The following GFRA3 variants were observed in gnomAD, a reference collection of about 807,000 sequenced individuals.
GFRA3 encodes the protein GDNF family receptor alpha-3.
GFRA3 carries 24 observed loss-of-function variants against 40.0 expected under a neutral mutation model. That is an observed-to-expected ratio of 0.60 (90% CI 0.43 to 0.84). The LOEUF (loss-of-function observed/expected upper bound fraction) is 0.84. GFRA3 is among the 40% of genes least tolerant of loss of function. The pLI, the probability that GFRA3 is intolerant of heterozygous loss-of-function variation, is 0.00. For synonymous variants in GFRA3, 203 were observed against 213.5 expected (o/e 0.95, Z 0.43); for missense variants, 405 against 530.6 (o/e 0.76, Z 2.33).
intron 1 of GFRA3, among the ~76,000 whole-genome samples, chr5:138,272,029 G>A (rs186968083): frequency 8.2e-5 from 10 of 121,506 alleles, no homozygotes; most frequent in Non-Finnish European, 1.2e-4. Flanking sequence ...TTTTTGAGAC[G>A]GAGTCTCGCT....
At chr5:138,267,108 T>G (rs188851836) in intron 1 of GFRA3, 1 of 194,884 alleles carries the variant, frequency 5.1e-6, no homozygotes. Flanking sequence ...AGGGTACTCC[T>G]GACGAAGGTG....
chr5:138,253,412 G>A (rs1349312128), intron 6 of GFRA3, 37 bp from the exon 7 acceptor site: 2 of 1,303,060 alleles, frequency 1.5e-6, no homozygotes, highest in East Asian at 2.4e-5. Context: ...GAAGGGTATG[G>A]GGGCAGGAGA....
rs1057340655 is a variant in GFRA3, at chr5:138,274,386, T to C, written c.39A>G (p.Val13=). ...RPLNPRPLPP[V]VLMLLLLLPP... Reference sequence around the variant, plus strand: ...GCAGCAGCAGCAGCAACATCAGGACTACGGGCGGCAGCGGTCGCGGGTTCA... The same window carrying C: ...GCAGCAGCAGCAGCAACATCAGGACCACGGGCGGCAGCGGTCGCGGGTTCA... The change falls in exon 1 of 8, where the codon GTA becomes GTG. Residue 13 remains valine (V), a synonymous_variant. Transcript: ENST00000274721. 2.3e-6 allele frequency: 3 copies of C among 1,326,048 alleles called. No individual in the cohort carries two copies. The highest frequency in any genetic ancestry group is 3.1e-5 in the African/African-American group (2 of 65,488). 82.1% of individuals were successfully genotyped at this position (1,326,048 alleles called of 1,614,324 possible). A position where few individuals can be genotyped will look rare whatever the true frequency, so the allele number is the denominator to read the frequency against.
intron 6 of GFRA3, among the ~76,000 whole-genome samples, 188 bp from the exon 7 acceptor site, chr5:138,253,563 G>T (rs1455602470): frequency 6.6e-6 from 1 of 152,186 alleles, no homozygotes; most frequent in Non-Finnish European, 1.5e-5. Context: ...TTCCAGACAG[G>T]TTGAACAGGC....
At chr5:138,259,482 C>T in intron 3 of GFRA3, 75 bp downstream of exon 3, 1 of 783,948 alleles carries the variant, frequency 1.3e-6, no homozygotes, top group Non-Finnish European at 2.4e-6. Context: ...TCCCCAACTT[C>T]TGCCCCTCCC....
At chr5:138,253,439 G>A in intron 6 of GFRA3, 64 bp from the exon 7 acceptor site, 1 of 1,035,502 alleles carries the variant, frequency 9.7e-7, no homozygotes, top group Middle Eastern at 2.0e-4. Flanking sequence ...AGGCTCCCAA[G>A]GAAGGAAAGG....
chr5:138,273,419 A>G (rs1755904655), intron 1 of GFRA3, among the ~76,000 whole-genome samples: 3 of 152,228 alleles, frequency 2.0e-5, no homozygotes, highest in African/African-American at 7.2e-5. Context: ...ATGCAGCCAT[A>G]ACCTTTAGGA....
intron 2 of GFRA3, among the ~76,000 whole-genome samples, chr5:138,262,646 A>G (rs1409425328): frequency 2.0e-5 from 3 of 151,758 alleles, no homozygotes; most frequent in African/African-American, 7.3e-5. Context: ...TAGTGATGGG[A>G]GCTCGCTATG....
intron 1 of GFRA3, 54 bp downstream of exon 1, chr5:138,274,280 A>G: frequency 1.5e-6 from 2 of 1,313,826 alleles, no homozygotes; most frequent in Non-Finnish European, 1.9e-6. Flanking sequence ...CCTCGCCTAC[A>G]CCTCACCTCC....
chr5:138,253,644 A>T, intron 6 of GFRA3, 122 bp downstream of exon 6: 1 of 899,428 alleles, frequency 1.1e-6, no homozygotes, highest in Non-Finnish European at 1.7e-6. Flanking sequence ...AGCCTATGCT[A>T]GGAACTGCTC....
chr5:138,253,835 G>T lies in GFRA3; in HGVS notation c.955C>A (p.Arg319=). ...NTSVALSCTC[R]GSGNLQEECE... ...TCCTCCTGCAGGTTGCCACTGCCTC[G>T]GCAGGTGCAGCTTAAGGCAACACTG... Residue 319 remains arginine (R), a synonymous_variant, in exon 6 of 8, where the codon CGA becomes AGA. Coordinates refer to ENST00000274721, the MANE Select transcript of GFRA3 (RefSeq NM_001496.4). The T allele has an allele frequency of 6.2e-7, 1 of 1,613,856 alleles. No individual in the cohort carries two copies. The highest frequency in any genetic ancestry group is 1.1e-5 in the South Asian group (1 of 91,070).
chr5:138,274,247 C>T (rs1755916697), intron 1 of GFRA3, 87 bp downstream of exon 1: 1 of 1,300,102 alleles, frequency 7.7e-7, no homozygotes, highest in African/African-American at 1.5e-5. Context: ...GCTGCTGCGC[C>T]CTCTCCGGAC....
Position 138,274,463 on chromosome 5 carries a change from C to G in GFRA3, c.-39G>C. On this transcript the variant is annotated 5_prime_UTR_variant, in exon 1 of 8. Transcript: ENST00000274721. ...CGCCGGGCTCCGCGCTCCCCTCGCTCCTCCCCTGGAGCTCTGAGAGCGGGG... is the reference window on the plus strand; with the variant it reads ...CGCCGGGCTCCGCGCTCCCCTCGCTGCTCCCCTGGAGCTCTGAGAGCGGGG... The G allele has an allele frequency of 7.8e-7, 1 of 1,277,960 alleles. No homozygotes were observed. 79.2% of individuals were successfully genotyped at this position (1,277,960 alleles called of 1,614,324 possible).
chr5:138,272,069 G>C (rs555135260), intron 1 of GFRA3, among the ~76,000 whole-genome samples: 8 of 148,742 alleles, frequency 5.4e-5, no homozygotes, highest in African/African-American at 2.0e-4. Context: ...GCAGTGGCGC[G>C]ATCTCAGCTC....
In GFRA3 at chr5:138,274,443, G is replaced by C. The variant is rs1255898639; in HGVS notation, c.-19C>G. On this transcript the variant is annotated 5_prime_UTR_variant, in exon 1 of 8. Transcript: ENST00000274721. ...GCACCATGGCGAGCTGTAGGCGCCG[G>C]GCTCCGCGCTCCCCTCGCTCCTCCC... is the stretch of plus-strand genomic sequence containing the variant. The C allele has an allele frequency of 7.8e-7, 1 of 1,289,980 alleles. No individual in the cohort carries two copies. Among genetic ancestry groups the C allele is most frequent in the Non-Finnish European group, 9.9e-7 (1 of 1,014,470 alleles). The allele number at this position is 1,289,980 out of a possible 1,614,324, so 79.9% of individuals were successfully genotyped here. A position where few individuals can be genotyped will look rare whatever the true frequency, so the allele number is the denominator to read the frequency against.
intron 2 of GFRA3, among the ~76,000 whole-genome samples, chr5:138,260,918 G>A (rs920951386): frequency 2.6e-5 from 4 of 152,044 alleles, no homozygotes; most frequent in African/African-American, 9.7e-5. Context: ...CTACTCGAGA[G>A]GCTGAGGTGG....
intron 1 of GFRA3, among the ~76,000 whole-genome samples, chr5:138,273,545 A>G (rs538663717): frequency 2.0e-5 from 3 of 152,136 alleles, no homozygotes; most frequent in African/African-American, 2.4e-5. Flanking sequence ...TATCTGTCTC[A>G]AGGCAGCATT....
In GFRA3 at chr5:138,257,881, G is replaced by A. The variant is rs773235090; in HGVS notation, c.543C>T (p.Ala181=). ...GGGGCCCGGAGCACGCCTCCCCGTA[G>A]GCCTTGCGCAGCCGGTCACACTTGT... ...LNDKCDRLRK[A]YGEACSGPHC... is the part of the protein sequence containing the mutation. Residue 181 remains alanine (A), a synonymous_variant, in exon 4 of 8, where the codon GCC becomes GCT. Transcript: ENST00000274721. The A allele has an allele frequency of 6.2e-7, 1 of 1,614,014 alleles. No homozygotes were observed. The highest frequency in any genetic ancestry group is 8.5e-7 in the Non-Finnish European group (1 of 1,179,920).
intron 1 of GFRA3, among the ~76,000 whole-genome samples, chr5:138,264,821 T>C (rs971112883): frequency 4.6e-5 from 7 of 151,870 alleles, no homozygotes; most frequent in African/African-American, 9.7e-5. Flanking sequence ...GTGAAGGGAA[T>C]AGTTGTTTGA....
Sources: gnomAD v4.1 joint callset for allele counts (sites outside exome capture counted in the v4.1 genomes callset) on GRCh38, gnomAD v4.1.1 for gene constraint, MANE v1.5 for transcripts, NCBI Gene and HGNC (gene_info 2026-07-23, HGNC 2026-07-21) for gene names.